UBR2: variants seen among roughly 807,000 people sequenced by gnomAD.
UBR2 encodes ubiquitin protein ligase E3 component n-recognin 2, also known as E3 ubiquitin-protein ligase UBR2.
UBR2 carries 92 observed loss-of-function variants against 247.9 expected under a neutral mutation model. The observed-to-expected ratio is 0.37, with a 90% confidence interval of 0.31 to 0.44. The LOEUF (loss-of-function observed/expected upper bound fraction) is 0.44. UBR2 is among the 20% of genes least tolerant of loss of function. The pLI is 1.00. For synonymous variants in UBR2, 672 were observed against 693.5 expected (o/e 0.97, Z 0.49); for missense variants, 1,613 against 2,112.6 (o/e 0.76, Z 4.64).
chr6:42,686,349 A>G (rs1799394528), intron 44 of UBR2, among the ~76,000 whole-genome samples: 2 of 151,636 alleles, frequency 1.3e-5, no homozygotes, highest in Non-Finnish European at 1.5e-5. Context: ...TAATCCATTT[A>G]ACCCTTAGTG....
intron 32 of UBR2, among the ~76,000 whole-genome samples, chr6:42,663,984 C>A (rs1797968586): frequency 6.6e-6 from 1 of 152,070 alleles, no homozygotes; most frequent in African/African-American, 2.4e-5. Context: ...CATAGTGAGA[C>A]CCTGTCTGTA....
At chr6:42,642,271 C>A (rs1796493962) in intron 17 of UBR2, 145 bp from the exon 18 acceptor site, 2 of 627,356 alleles carry the variant, frequency 3.2e-6, no homozygotes, top group African/African-American at 1.9e-5. Context: ...ATTAATTAAT[C>A]TTTACTAAGA....
intron 21 of UBR2, 84 bp from the exon 22 acceptor site, chr6:42,648,034 T>A (rs1171665094): frequency 9.3e-7 from 1 of 1,080,420 alleles, no homozygotes; most frequent in African/African-American, 1.6e-5. Flanking sequence ...TAGGTTGTTA[T>A]GAGGGTCAAT....
At chr6:42,620,927 C>T (rs964385629) in intron 11 of UBR2, among the ~76,000 whole-genome samples, 3 of 152,130 alleles carry the variant, frequency 2.0e-5, no homozygotes, top group African/African-American at 7.2e-5. Flanking sequence ...TCCTCGGCCT[C>T]CTGAGTAGCT....
At position 42,614,399 on chromosome 6, in the gene UBR2, CATACGTAT is replaced by C. The variant is rs1794376733; in HGVS notation, c.986-671_986-664del. Among the ~76,000 whole-genome samples the C allele has an allele frequency of 4.2e-5, 3 of 72,064 alleles. 1 individual carries two copies. The highest frequency in any genetic ancestry group is 1.5e-4 in the African/African-American group (3 of 19,850). The allele number at this position is 72,064 out of a possible 152,430, so 47.3% of individuals were successfully genotyped here. A position where few individuals can be genotyped will look rare whatever the true frequency, so the allele number is the denominator to read the frequency against. On this transcript the variant is annotated intron_variant, in intron 8 of 46. Coordinates refer to ENST00000372901, the MANE Select transcript of UBR2 (RefSeq NM_001363705.2). ...GTGTATATATGTATGTACGTACATA[CATACGTAT>C]GTATGTACGTACGTACATATATATG...
intron 13 of UBR2, among the ~76,000 whole-genome samples, chr6:42,633,615 T>C (rs892141164): frequency 1.3e-5 from 2 of 152,168 alleles, no homozygotes; most frequent in African/African-American, 4.8e-5. Context: ...GGTCTCGAAC[T>C]CCTGACCTCA....
chr6:42,679,527 G>A (rs1025193196), intron 41 of UBR2, among the ~76,000 whole-genome samples, 197 bp from the exon 42 acceptor site: 5 of 152,234 alleles, frequency 3.3e-5, no homozygotes, highest in Admixed American at 6.5e-5. Context: ...TGTAGGAGTC[G>A]CCTGACTGCA....
intron 11 of UBR2, among the ~76,000 whole-genome samples, chr6:42,631,479 T>C (rs544437201): frequency 6.6e-6 from 1 of 152,196 alleles, no homozygotes; most frequent in Admixed American, 6.5e-5. Context: ...TAAAATTTAT[T>C]ATGTGCATAC....
chr6:42,605,573 C>T (rs1309269761), intron 5 of UBR2, 148 bp from the exon 6 acceptor site: 5 of 583,972 alleles, frequency 8.6e-6, no homozygotes, highest in Non-Finnish European at 1.4e-5. Flanking sequence ...ACTGTAGTAT[C>T]ACAGAGCATA....
intron 11 of UBR2, among the ~76,000 whole-genome samples, chr6:42,618,649 C>G (rs1479084569): frequency 6.6e-6 from 1 of 152,112 alleles, no homozygotes; most frequent in East Asian, 1.9e-4. Flanking sequence ...TTTAAAAGAT[C>G]ATGCTGTCTG....
intron 11 of UBR2, among the ~76,000 whole-genome samples, chr6:42,622,332 T>A (rs1462858394): frequency 6.6e-6 from 1 of 151,626 alleles, no homozygotes; most frequent in Non-Finnish European, 1.5e-5. Flanking sequence ...ATTCTTCTTT[T>A]GTTAGATTTA....
chr6:42,655,294 A>G (rs914891591), intron 25 of UBR2, among the ~76,000 whole-genome samples: 4 of 152,104 alleles, frequency 2.6e-5, no homozygotes, highest in Admixed American at 2.6e-4. Context: ...CCTGGCCAAC[A>G]TGGTGAAACC....
intron 2 of UBR2, among the ~76,000 whole-genome samples, chr6:42,574,472 A>C (rs574314923): frequency 4.6e-5 from 7 of 152,112 alleles, no homozygotes; most frequent in African/African-American, 1.7e-4. Flanking sequence ...CTATTTCTTT[A>C]AAGATTTTTC....
intron 5 of UBR2, among the ~76,000 whole-genome samples, chr6:42,604,602 C>T (rs796491053): frequency 4.6e-5 from 7 of 152,242 alleles, no homozygotes; most frequent in African/African-American, 1.7e-4. Flanking sequence ...AGCATGGCCC[C>T]CTAACTGGAC....
intron 21 of UBR2, 141 bp downstream of exon 21, chr6:42,645,731 T>G (rs1796717010): frequency 2.4e-6 from 2 of 818,602 alleles, no homozygotes; most frequent in Non-Finnish European, 1.9e-6. Context: ...CCGGTCACTC[T>G]TATTATGAAT....
intron 42 of UBR2, among the ~76,000 whole-genome samples, chr6:42,680,106 G>C (rs987939759): frequency 6.6e-6 from 1 of 152,020 alleles, no homozygotes; most frequent in South Asian, 2.1e-4. Context: ...CCTGGGTTCA[G>C]GGGATTCTCC....
chr6:42,589,472 A>T (rs1028757542), intron 2 of UBR2, among the ~76,000 whole-genome samples: 1 of 152,168 alleles, frequency 6.6e-6, no homozygotes, highest in Non-Finnish European at 1.5e-5. Context: ...TTTTTCTTGA[A>T]TTGTCTATAT....
chr6:42,652,550 T>A lies in UBR2; in HGVS notation c.2674T>A (p.Leu892Met). Reference protein sequence around the residue: ...CPLFASLVNILQSDVMLCIMG... With the variant: ...CPLFASLVNIMQSDVMLCIMG... ...TCTGTTTGCAAGCCTGGTTAACATT[T>A]TGCAGTCAGATGTCATGTTGTGCAT... The change falls in exon 25 of 47, where the codon TTG becomes ATG. Residue 892 changes from leucine to methionine, a missense_variant. Leu to Met is a conservative substitution (Grantham distance 15). Transcript: ENST00000372901. 1 of 1,613,552 alleles carries A rather than the reference T, an allele frequency of 6.2e-7. No individual in the cohort carries two copies. The highest frequency in any genetic ancestry group is 1.1e-5 in the South Asian group (1 of 90,814).
chr6:42,669,838 G>A (rs903186998), intron 34 of UBR2, among the ~76,000 whole-genome samples: 1 of 152,206 alleles, frequency 6.6e-6, no homozygotes, highest in African/African-American at 2.4e-5. Flanking sequence ...CAGGGTCAAG[G>A]ATCTCATTGT....
Sources: gnomAD v4.1 joint callset for allele counts (sites outside exome capture counted in the v4.1 genomes callset) on GRCh38, gnomAD v4.1.1 for gene constraint, MANE v1.5 for transcripts, NCBI Gene and HGNC (gene_info 2026-07-23, HGNC 2026-07-21) for gene names.